The following PLD1 variants were observed in gnomAD, a reference collection of about 807,000 sequenced individuals.
PLD1 encodes phospholipase D1.
In PLD1, 112 loss-of-function variants were observed where a neutral mutation model predicts 137.1. The observed-to-expected ratio is 0.82, with a 90% CI of 0.70 to 0.96. PLD1 has a LOEUF of 0.96. PLD1 is among the 40% of genes least tolerant of loss of function. The pLI, the probability that PLD1 is intolerant of heterozygous loss-of-function variation, is 0.00. For synonymous variants in PLD1, 431 were observed against 454.7 expected, an observed-to-expected ratio of 0.95 and a Z score of 0.66; for missense variants, 1,321 against 1,342.0, an observed-to-expected ratio of 0.98 and a Z score of 0.24.
chr3:171,641,489 G>A (rs1735736704), intron 23 of PLD1, among the ~76,000 whole-genome samples: 1 of 152,160 alleles, frequency 6.6e-6, no homozygotes, highest in Non-Finnish European at 1.5e-5. Flanking sequence ...ATCATCCAGT[G>A]CACCCCATTT....
At chr3:171,630,969 C>G (rs974035505) in intron 23 of PLD1, among the ~76,000 whole-genome samples, 1 of 151,212 alleles carries the variant, frequency 6.6e-6, no homozygotes, top group Non-Finnish European at 1.5e-5. Context: ...ACATATGTAA[C>G]TAACCTGCAC....
At chr3:171,699,150 T>C (rs1412546427) in intron 12 of PLD1, among the ~76,000 whole-genome samples, 1 of 152,200 alleles carries the variant, frequency 6.6e-6, no homozygotes, top group Non-Finnish European at 1.5e-5. Flanking sequence ...CAGTCATTAG[T>C]GAGCCTAGGC....
At chr3:171,647,080 G>A (rs1434990864) in intron 21 of PLD1, among the ~76,000 whole-genome samples, 2 of 152,092 alleles carry the variant, frequency 1.3e-5, no homozygotes, top group Non-Finnish European at 2.9e-5. Flanking sequence ...TGCTTTACAC[G>A]ATAGTGATAC....
intron 22 of PLD1, among the ~76,000 whole-genome samples, chr3:171,643,746 T>TTTGC (rs35055974): frequency 2.6e-5 from 1 of 38,704 alleles, no homozygotes. Context: ...CTTGAAAAGC[T>TTTGC]TTATCATTTT....
At chr3:171,747,870 C>T (rs971868216) in intron 1 of PLD1, among the ~76,000 whole-genome samples, 2 of 152,316 alleles carry the variant, frequency 1.3e-5, no homozygotes, top group African/African-American at 4.8e-5. Flanking sequence ...GCTATTATTT[C>T]TGCCTTGATT....
At chr3:171,741,086 A>G (rs866466207) in intron 1 of PLD1, among the ~76,000 whole-genome samples, 1 of 152,198 alleles carries the variant, frequency 6.6e-6, no homozygotes, top group African/African-American at 2.4e-5. Flanking sequence ...CTTGGAAGGG[A>G]TCATACTAAT....
chr3:171,687,487 G>A lies in PLD1; in HGVS notation c.1637C>T (p.Ser546Leu). Residue 546 changes from serine (S) to leucine (L), a missense_variant, in exon 15 of 27, where the codon TCA becomes TTA. Physicochemically the swap from Ser to Leu is moderately radical, Grantham distance 145 (BLOSUM62 -2). Transcript: ENST00000351298. ...PIQKSIDDVD[S>L]KLKGIGKPRK... ...TGGCTTTCCTATTCCTTTCAGTTTT[G>A]AATCCACATCATCAATACTCTTCTG... is the stretch of plus-strand genomic sequence containing the variant. 1.9e-6 allele frequency: 3 copies of A among 1,613,958 alleles called. No individual in the cohort carries two copies. The highest frequency in any genetic ancestry group is 2.5e-6 in the Non-Finnish European group (3 of 1,179,906).
At chr3:171,735,399 G>T (rs1719280207) in intron 4 of PLD1, 93 bp downstream of exon 4, 1 of 1,035,528 alleles carries the variant, frequency 9.7e-7, no homozygotes, top group Non-Finnish European at 1.5e-6. Flanking sequence ...GCCTCCCAAA[G>T]TGGTGAGATT....
rs1722834229 is a variant in PLD1 at position 171,782,517 on chromosome 3, C to T, written c.-32+27882G>A. On this transcript the variant is annotated intron_variant, in intron 1 of 26. Coordinates refer to ENST00000351298, the MANE Select transcript of PLD1 (RefSeq NM_002662.5). ...AACTTACTTTAAAATGTATCCAAAA[C>T]ATAAATTGAATTGATGAAAGGATAA... Among the ~76,000 whole-genome samples, 2 of 152,120 alleles carry T rather than the reference C, an allele frequency of 1.3e-5. 1 individual carries two copies. Among genetic ancestry groups the T allele is most frequent in the South Asian group, 4.1e-4 (2 of 4,822 alleles).
chr3:171,800,535 T>A (rs1021462087), intron 1 of PLD1, among the ~76,000 whole-genome samples: 3 of 152,170 alleles, frequency 2.0e-5, no homozygotes, highest in Non-Finnish European at 4.4e-5. Context: ...AAGGCAAATA[T>A]ACAATAGTAT....
chr3:171,706,852 T>C (rs780075766), intron 11 of PLD1, among the ~76,000 whole-genome samples: 2 of 152,238 alleles, frequency 1.3e-5, no homozygotes, highest in Non-Finnish European at 2.9e-5. Flanking sequence ...ATTCATTCTC[T>C]TGCTGAAAGT....
chr3:171,606,761 T>A (rs1379817017), intron 25 of PLD1, among the ~76,000 whole-genome samples: 1 of 152,236 alleles, frequency 6.6e-6, no homozygotes, highest in Admixed American at 6.5e-5. Flanking sequence ...ATTGAACCAA[T>A]TATTTCATTA....
chr3:171,781,790 G>C (rs997247738), intron 1 of PLD1, among the ~76,000 whole-genome samples: 26 of 152,324 alleles, frequency 1.7e-4, no homozygotes, highest in African/African-American at 6.3e-4. Flanking sequence ...ATGGGTCACA[G>C]TGTAAAACTA....
At chr3:171,650,864 A>C (rs1282571178) in intron 21 of PLD1, among the ~76,000 whole-genome samples, 14 of 151,928 alleles carry the variant, frequency 9.2e-5, no homozygotes, top group Non-Finnish European at 1.8e-4. Flanking sequence ...GCGGCACTGC[A>C]CTCCAGCAGC....
intron 8 of PLD1, among the ~76,000 whole-genome samples, chr3:171,724,261 G>T (rs139195333): frequency 6.6e-6 from 1 of 152,068 alleles, no homozygotes; most frequent in South Asian, 2.1e-4. Context: ...CAATATCTGC[G>T]GTTTCTCTAC....
rs1176470344 is a variant in PLD1, at chr3:171,692,360, G to T, written c.1310C>A (p.Thr437Asn). Residue 437 changes from threonine to asparagine, a missense_variant, in exon 13 of 27, where the codon ACT becomes AAT. Physicochemically the swap from Thr to Asn is moderately conservative, Grantham distance 65. Coordinates refer to ENST00000351298, the MANE Select transcript of PLD1 (RefSeq NM_002662.5). ...LGINSEYTKR[T>N]LMRLHPNIKV... ...TATGTTGGGATGTAGACGCATCAAA[G>T]TCCTCTTGGTGTATTCACTATTGAT... 1.3e-6 allele frequency: 2 copies of T among 1,566,816 alleles called. No individual in the cohort carries two copies. The highest frequency in any genetic ancestry group is 1.8e-6 in the Non-Finnish European group (2 of 1,136,856).
intron 13 of PLD1, among the ~76,000 whole-genome samples, chr3:171,690,804 T>C (rs923242012): frequency 1.3e-5 from 2 of 152,222 alleles, no homozygotes. Context: ...TGTATCCTGC[T>C]GTTGTTGGGT....
At chr3:171,801,349 G>A (rs1412914805) in intron 1 of PLD1, among the ~76,000 whole-genome samples, 1 of 152,234 alleles carries the variant, frequency 6.6e-6, no homozygotes, top group Non-Finnish European at 1.5e-5. Context: ...TTCACTGTCA[G>A]TCAAACCTAC....
intron 1 of PLD1, among the ~76,000 whole-genome samples, chr3:171,745,065 T>C (rs1477116440): frequency 1.3e-5 from 2 of 152,252 alleles, no homozygotes; most frequent in Admixed American, 1.3e-4. Context: ...ATTTGTTCTC[T>C]GGCATGAGCT....
Sources: gnomAD v4.1 joint callset for allele counts (sites outside exome capture counted in the v4.1 genomes callset) on GRCh38, gnomAD v4.1.1 for gene constraint, MANE v1.5 for transcripts, NCBI Gene and HGNC (gene_info 2026-07-23, HGNC 2026-07-21) for gene names.